METTL14: variants seen among roughly 807,000 people sequenced by gnomAD.
METTL14 encodes N(6)-adenosine-methyltransferase non-catalytic subunit METTL14.
A neutral mutation model predicts 62.4 loss-of-function variants in METTL14; 32 were observed. That is an observed-to-expected ratio of 0.51 (90% CI 0.39 to 0.69). The LOEUF (loss-of-function observed/expected upper bound fraction) is 0.69, where lower values mean the gene tolerates loss of function less well. Ranked by LOEUF, METTL14 falls within the 30% of genes least tolerant of loss-of-function variation. The probability of loss-of-function intolerance (pLI) is 0.00; values close to 1 mark genes in which losing one functional copy is unlikely to be tolerated. For missense variants in METTL14, 340 were observed against 551.9 expected (o/e 0.62, Z 3.85); for synonymous variants, 150 against 180.0 (o/e 0.83, Z 1.34).
In METTL14 at chr4:118,685,620, CCT is replaced by C. The variant is rs762822477; in HGVS notation, c.66+21_66+22del. 1.2e-6 allele frequency: 2 copies of C among 1,612,620 alleles called. No homozygotes were observed. Among genetic ancestry groups the C allele is most frequent in the East Asian group, 4.5e-5 (2 of 44,844 alleles). On this transcript the variant is annotated intron_variant, in intron 1 of 10. Coordinates refer to ENST00000388822, the MANE Select transcript of METTL14 (RefSeq NM_020961.4). ...CAGCAGGTCCGCGGCCCTGGTGTCC[CCT>C]GTGGGAGGGATCGAGAATGCGAGTG...
chr4:118,689,404 C>T lies in METTL14; in HGVS notation c.190C>T (p.Arg64Cys), dbSNP rs748869746. The change falls in exon 3 of 11, where the codon CGT becomes TGT. Residue 64 changes from arginine to cysteine, a missense_variant. By Grantham distance (180) the Arg-to-Cys change is radical. Coordinates refer to ENST00000388822, the MANE Select transcript of METTL14 (RefSeq NM_020961.4). ...SYDTSAPNAK[R>C]KYLDEGETDE... ...TGATACCTCTGCTCCAAATGCAAAACGTAAGTATCTGGATGAAGGAGAGAC... is the reference window on the plus strand; with the variant it reads ...TGATACCTCTGCTCCAAATGCAAAATGTAAGTATCTGGATGAAGGAGAGAC... 13 of 1,604,150 alleles carry T rather than the reference C, an allele frequency of 8.1e-6. No individual in the cohort carries two copies. The highest frequency in any genetic ancestry group is 4.5e-5 in the South Asian group (4 of 89,456).
chr4:118,687,093 A>G (rs1184595170), intron 1 of METTL14, among the ~76,000 whole-genome samples: 1 of 152,228 alleles, frequency 6.6e-6, no homozygotes, highest in African/African-American at 2.4e-5. Context: ...TTAACATGGT[A>G]CCCACAACCC....
At chr4:118,694,142 C>T (rs868372445) in intron 5 of METTL14, among the ~76,000 whole-genome samples, 1,956 of 113,822 alleles carry the variant, frequency 0.017, 47 homozygotes, top group African/African-American at 0.065. Flanking sequence ...TTTTTTTTTT[C>T]CTGAATGTTA....
In METTL14 at chr4:118,710,274, C is replaced by A; in HGVS notation, c.1343C>A (p.Ala448Glu). 1 of 1,613,556 alleles carries A rather than the reference C, an allele frequency of 6.2e-7. No homozygotes were observed. Among genetic ancestry groups the A allele is most frequent in the Non-Finnish European group, 8.5e-7 (1 of 1,179,760 alleles). ...GGCTTTAGAGGGGGCCGTGGAGGAG[C>A]ACACAGAGGTGGCTTTCCACCTCGA... ...RGGFRGGRGG[A>E]HRGGFPPR Residue 448 changes from alanine to glutamate, a missense_variant, in exon 11 of 11, where the codon GCA becomes GAA. Ala to Glu is a moderately radical substitution (Grantham distance 107). Transcript: ENST00000388822.
chr4:118,689,285 T>C (rs1724169824), intron 2 of METTL14, 85 bp from the exon 3 acceptor site: 2 of 680,892 alleles, frequency 2.9e-6, no homozygotes, highest in Non-Finnish European at 4.6e-6. Flanking sequence ...TCTTGTTCTG[T>C]TTTTATAACC....
At position 118,694,461 on chromosome 4, in the gene METTL14, T is replaced by C. The variant is rs547761978; in HGVS notation, c.438T>C (p.Tyr146=). The C allele has an allele frequency of 1.2e-6, 2 of 1,613,370 alleles. No homozygotes were observed. The highest frequency in any genetic ancestry group is 2.2e-5 in the South Asian group (2 of 90,842). Residue 146 remains tyrosine, a synonymous_variant, in exon 6 of 11, where the codon TAT becomes TAC. Coordinates refer to ENST00000388822, the MANE Select transcript of METTL14 (RefSeq NM_020961.4). ...GTTTAGCTGACAGATTTGAAGAATA[T>C]CCTAAACTGAGGGAGCTCATCAGGC... ...DVGLADRFEE[Y]PKLRELIRLK...
rs1724138661 is a variant in METTL14 at position 118,688,318 on chromosome 4, TC to T, written c.155+311del. Among the ~76,000 whole-genome samples the T allele has an allele frequency of 2.0e-5, 3 of 152,020 alleles. No individual in the cohort carries two copies. The South Asian group carries it at 6.2e-4, about 32-fold the overall frequency. On this transcript the variant is annotated intron_variant, in intron 2 of 10. Transcript: ENST00000388822. ...CAGACATGGTGGCGGGCTCCTGTAA[TC>T]CCCGCTACTCGGGAGCCTTAGGCAG...
Position 118,710,508 on chromosome 4 carries a change from TTTG to T in METTL14, c.*209_*211del. ...TCAGGATAAATGAATGATTCTGCCT[TTTG>T]TTATGTGCGTGAACAGAATGGAACA... On this transcript the variant is annotated 3_prime_UTR_variant, in exon 11 of 11. Coordinates refer to ENST00000388822, the MANE Select transcript of METTL14 (RefSeq NM_020961.4). 1 of 550,110 alleles carries T rather than the reference TTTG, an allele frequency of 1.8e-6. No individual in the cohort carries two copies. 34.1% of individuals were successfully genotyped at this position (550,110 alleles called of 1,614,324 possible).
In METTL14 at chr4:118,714,588, T is replaced by C. The variant is rs956365984; in HGVS notation, c.*4286T>C. 6.6e-6 allele frequency: 1 copy of C among 152,230 alleles called. No homozygotes were observed. The highest frequency in any genetic ancestry group is 1.5e-5 in the Non-Finnish European group (1 of 68,040). 9.4% of individuals were successfully genotyped at this position (152,230 alleles called of 1,614,324 possible). On this transcript the variant is annotated 3_prime_UTR_variant, in exon 11 of 11. Coordinates refer to ENST00000388822, the MANE Select transcript of METTL14 (RefSeq NM_020961.4). Reference sequence around the variant, plus strand: ...CTAACAAAATACCACATGCATATTTTCTTTTTTATTTTTATTTTTTGAGAC... The same window carrying C: ...CTAACAAAATACCACATGCATATTTCCTTTTTTATTTTTATTTTTTGAGAC...
intron 2 of METTL14, among the ~76,000 whole-genome samples, chr4:118,688,894 G>A (rs994967045): frequency 3.3e-5 from 5 of 152,000 alleles, no homozygotes; most frequent in Non-Finnish European, 5.9e-5. Flanking sequence ...GGCTGGTCTC[G>A]ATCTCTTGAC....
chr4:118,700,190 T>C (rs1359090887), intron 7 of METTL14, among the ~76,000 whole-genome samples: 3 of 152,190 alleles, frequency 2.0e-5, no homozygotes, highest in Admixed American at 1.3e-4. Flanking sequence ...ACATTGGGCT[T>C]AGTTAAGTGC....
chr4:118,702,783 A>G (rs1224152727), intron 8 of METTL14, among the ~76,000 whole-genome samples: 2 of 151,858 alleles, frequency 1.3e-5, no homozygotes, highest in Non-Finnish European at 2.9e-5. Context: ...ATAAAATAAA[A>G]TAAAATTCTG....
chr4:118,687,226 T>G (rs1298177735), intron 1 of METTL14, among the ~76,000 whole-genome samples: 1 of 152,232 alleles, frequency 6.6e-6, no homozygotes, highest in African/African-American at 2.4e-5. Context: ...TTTGGAATAT[T>G]TGCATATTAC....
chr4:118,699,534 T>A (rs1269027646), intron 7 of METTL14, among the ~76,000 whole-genome samples: 2 of 152,172 alleles, frequency 1.3e-5, no homozygotes, highest in Non-Finnish European at 2.9e-5. Context: ...CTCATTAAAG[T>A]TGAATATTAA....
intron 8 of METTL14, among the ~76,000 whole-genome samples, chr4:118,702,761 C>T (rs1262916169): frequency 6.6e-6 from 1 of 151,782 alleles, no homozygotes. Context: ...AGGTGAGACT[C>T]CATCTCAAAA....
rs549667799 is a variant in METTL14 at position 118,710,388 on chromosome 4, C to G, written c.*86C>G. On this transcript the variant is annotated 3_prime_UTR_variant, in exon 11 of 11. Coordinates refer to ENST00000388822, the MANE Select transcript of METTL14 (RefSeq NM_020961.4). ...AAGTGGGAGACTTAACTTTAGAACT[C>G]ACTTCCAGCTTGCACTTTGCTTTAA... The G allele has an allele frequency of 6.0e-6, 8 of 1,325,122 alleles. No homozygotes were observed. The South Asian group carries it at 1.2e-4, about 20-fold the overall frequency. 82.1% of individuals were successfully genotyped at this position (1,325,122 alleles called of 1,614,324 possible).
At chr4:118,698,511 TCTTA>T (rs1488115333) in intron 7 of METTL14, among the ~76,000 whole-genome samples, 1 of 151,482 alleles carries the variant, frequency 6.6e-6, no homozygotes, top group East Asian at 1.9e-4. Flanking sequence ...GAAGACTCTT[TCTTA>T]GAGTAACCTA....
At chr4:118,708,270 G>T (rs568824368) in intron 10 of METTL14, among the ~76,000 whole-genome samples, 1 of 152,300 alleles carries the variant, frequency 6.6e-6, no homozygotes, top group African/African-American at 2.4e-5. Flanking sequence ...CATGTTTTAC[G>T]TAAGAGACAG....
chr4:118,698,771 T>C (rs921361344), intron 7 of METTL14, among the ~76,000 whole-genome samples: 3 of 152,126 alleles, frequency 2.0e-5, no homozygotes, highest in Non-Finnish European at 4.4e-5. Context: ...TTTCTAGGTA[T>C]ATGTGAGACA....
Sources: gnomAD v4.1 joint callset for allele counts (sites outside exome capture counted in the v4.1 genomes callset) on GRCh38, gnomAD v4.1.1 for gene constraint, MANE v1.5 for transcripts, NCBI Gene and HGNC (gene_info 2026-07-23, HGNC 2026-07-21) for gene names.